The following ACOXL variants were observed in gnomAD, a reference collection of about 807,000 sequenced individuals.
The protein encoded by ACOXL is acyl-coenzyme A oxidase-like protein.
ACOXL carries 70 observed loss-of-function variants against 71.9 expected under a neutral mutation model. The observed-to-expected ratio is 0.97, with a 90% CI of 0.80 to 1.19. ACOXL has a LOEUF of 1.19. Among genes scored for constraint, ACOXL ranks in the 50% most tolerant of loss-of-function variants. The pLI is 0.00. For missense variants in ACOXL, 703 were observed against 736.3 expected, an observed-to-expected ratio of 0.95 and a Z score of 0.52; for synonymous variants, 253 against 281.6, an observed-to-expected ratio of 0.90 and a Z score of 1.02.
chr2:110,750,244 G>A (rs1050584203), intron 1 of ACOXL, among the ~76,000 whole-genome samples: 8 of 152,126 alleles, frequency 5.3e-5, no homozygotes, highest in South Asian at 4.1e-4. Context: ...CTTATAGGAG[G>A]TTGATCTCTT....
chr2:110,978,128 G>A (rs1264049268), intron 12 of ACOXL, among the ~76,000 whole-genome samples: 1 of 152,218 alleles, frequency 6.6e-6, no homozygotes, highest in Non-Finnish European at 1.5e-5. Flanking sequence ...ATACCACTAA[G>A]TAATTGATAA....
chr2:111,020,547 T>C (rs1191764235), intron 14 of ACOXL, among the ~76,000 whole-genome samples: 1 of 152,202 alleles, frequency 6.6e-6, no homozygotes, highest in East Asian at 1.9e-4. Context: ...GCTCTGGATA[T>C]GGTTCAGGAT....
At chr2:111,112,035 G>C (rs2070018142) in intron 17 of ACOXL, among the ~76,000 whole-genome samples, 1 of 152,116 alleles carries the variant, frequency 6.6e-6, no homozygotes, top group South Asian at 2.1e-4. Flanking sequence ...TATTTAGTGA[G>C]GGTAAACAAA....
intron 11 of ACOXL, among the ~76,000 whole-genome samples, chr2:110,927,589 C>A (rs559846209): frequency 2.0e-5 from 3 of 152,334 alleles, no homozygotes; most frequent in African/African-American, 7.2e-5. Context: ...TCCCTGAGCC[C>A]CTTCTGGAAT....
chr2:110,858,618 G>A (rs35174008), intron 10 of ACOXL, among the ~76,000 whole-genome samples: 13,624 of 152,288 alleles, frequency 0.089, 736 homozygotes, highest in Admixed American at 0.16. Flanking sequence ...GTATGCACCA[G>A]CAGGCTGAAC....
At chr2:110,946,287 T>G (rs905689998) in intron 12 of ACOXL, among the ~76,000 whole-genome samples, 1 of 152,242 alleles carries the variant, frequency 6.6e-6, no homozygotes, top group East Asian at 1.9e-4. Context: ...TTTGGGTAGA[T>G]CCTACGAGGT....
intron 12 of ACOXL, among the ~76,000 whole-genome samples, chr2:110,956,177 C>T (rs1207635109): frequency 3.9e-5 from 6 of 152,034 alleles, no homozygotes; most frequent in African/African-American, 9.7e-5. Flanking sequence ...CCACCCACCT[C>T]GGCATCTCAA....
At chr2:111,103,110 G>T (rs1277425405) in intron 17 of ACOXL, among the ~76,000 whole-genome samples, 1 of 152,062 alleles carries the variant, frequency 6.6e-6, no homozygotes, top group African/African-American at 2.4e-5. Flanking sequence ...GGCCAACATG[G>T]TAAAACCCCA....
intron 10 of ACOXL, among the ~76,000 whole-genome samples, chr2:110,864,452 C>T (rs1264072147): frequency 6.6e-6 from 1 of 152,192 alleles, no homozygotes; most frequent in Non-Finnish European, 1.5e-5. Context: ...GAAACTCAAC[C>T]ATCCAGTGAT....
chr2:111,088,837 T>C (rs2068362498), intron 16 of ACOXL, among the ~76,000 whole-genome samples: 1 of 152,200 alleles, frequency 6.6e-6, no homozygotes, highest in Non-Finnish European at 1.5e-5. Context: ...CTGAGATTAA[T>C]ATAAATCCAA....
At chr2:110,786,180 C>T (rs1330921117) in intron 3 of ACOXL, among the ~76,000 whole-genome samples, 2 of 152,116 alleles carry the variant, frequency 1.3e-5, no homozygotes, top group Non-Finnish European at 2.9e-5. Context: ...AACACCCAGT[C>T]GTGATGTCCC....
At chr2:110,858,502 G>A (rs918271293) in intron 10 of ACOXL, among the ~76,000 whole-genome samples, 1 of 152,216 alleles carries the variant, frequency 6.6e-6, no homozygotes, top group Admixed American at 6.5e-5. Flanking sequence ...GATAAAGCTC[G>A]GTGATGTCAC....
At chr2:110,891,808 C>T (rs926769577) in intron 10 of ACOXL, among the ~76,000 whole-genome samples, 1 of 151,946 alleles carries the variant, frequency 6.6e-6, no homozygotes, top group Non-Finnish European at 1.5e-5. Context: ...AAGTGAGCTG[C>T]TATGTCAGGT....
At chr2:110,996,394 A>T (rs188861040) in intron 14 of ACOXL, among the ~76,000 whole-genome samples, 79 of 152,320 alleles carry the variant, frequency 5.2e-4, no homozygotes, top group African/African-American at 1.9e-3. Context: ...TTAGTCTAAG[A>T]TGCATTCTGT....
At chr2:110,760,264 C>T (rs796597760) in intron 1 of ACOXL, among the ~76,000 whole-genome samples, 17 of 152,010 alleles carry the variant, frequency 1.1e-4, no homozygotes, top group South Asian at 2.1e-4. Flanking sequence ...CTCAGCCTCC[C>T]GAGTAGCTGG....
intron 14 of ACOXL, among the ~76,000 whole-genome samples, chr2:111,001,686 A>G (rs377344677): frequency 6.6e-6 from 1 of 152,318 alleles, no homozygotes; most frequent in Non-Finnish European, 1.5e-5. Flanking sequence ...CCACCATTAT[A>G]TATTGGAGGA....
intron 14 of ACOXL, 46 bp downstream of exon 14, chr2:110,996,050 G>A: frequency 6.9e-7 from 1 of 1,458,600 alleles, no homozygotes; most frequent in Non-Finnish European, 9.6e-7. Flanking sequence ...ATGTGTTTAA[G>A]GGATATCCTT....
At chr2:110,818,381 G>C (rs1326808838) in intron 9 of ACOXL, among the ~76,000 whole-genome samples, 5 of 112,070 alleles carry the variant, frequency 4.5e-5, no homozygotes, top group African/African-American at 1.4e-4. Context: ...TTGACAGAGT[G>C]AGACTCTGTC....
intron 14 of ACOXL, among the ~76,000 whole-genome samples, chr2:111,018,351 A>G (rs1448288957): frequency 2.0e-5 from 3 of 152,208 alleles, no homozygotes; most frequent in Admixed American, 6.5e-5. Context: ...GCCCTGTCCT[A>G]TCATCCCCAG....
Sources: gnomAD v4.1 joint callset for allele counts (sites outside exome capture counted in the v4.1 genomes callset) on GRCh38, gnomAD v4.1.1 for gene constraint, MANE v1.5 for transcripts, NCBI Gene and HGNC (gene_info 2026-07-23, HGNC 2026-07-21) for gene names.